Variants in PNLIPRP1 observed in about 807,000 individuals in gnomAD.
PNLIPRP1 encodes the protein inactive pancreatic lipase-related protein 1.
In PNLIPRP1, 57 loss-of-function variants were observed where a neutral mutation model predicts 54.6. That is an observed-to-expected ratio of 1.04 (90% CI 0.84 to 1.30). The LOEUF (loss-of-function observed/expected upper bound fraction) is 1.30. Ranked by LOEUF, PNLIPRP1 falls within the 50% of genes most tolerant of loss-of-function variation. The pLI is 0.00. For missense variants in PNLIPRP1, 567 were observed against 568.5 expected, an observed-to-expected ratio of 1.00 and a Z score of 0.03; for synonymous variants, 232 against 208.8, an observed-to-expected ratio of 1.11 and a Z score of -0.96.
At chr10:116,600,755 G>T (rs1014619163) in intron 9 of PNLIPRP1, among the ~76,000 whole-genome samples, 1 of 152,212 alleles carries the variant, frequency 6.6e-6, no homozygotes, top group South Asian at 2.1e-4. Context: ...GGTAAGCACT[G>T]CAATCCAGGG....
chr10:116,592,711 G>A, intron 4 of PNLIPRP1, 170 bp downstream of exon 4: 2 of 781,050 alleles, frequency 2.6e-6, no homozygotes, highest in South Asian at 1.5e-5. Flanking sequence ...CACTACATCT[G>A]CACACTGAAG....
chr10:116,597,664 A>G (rs1387101727), intron 6 of PNLIPRP1, among the ~76,000 whole-genome samples, 164 bp from the exon 7 acceptor site: 3 of 152,022 alleles, frequency 2.0e-5, no homozygotes, highest in Admixed American at 6.6e-5. Flanking sequence ...CCACATTCAG[A>G]CTCTATGTCC....
Position 116,596,225 on chromosome 10 carries a change from C to T in PNLIPRP1, c.477C>T (p.Ser159=), listed in dbSNP as rs782805149. 1 of 1,610,788 alleles carries T rather than the reference C, an allele frequency of 6.2e-7. No individual in the cohort carries two copies. Among genetic ancestry groups the T allele is most frequent in the Non-Finnish European group, 8.5e-7 (1 of 1,177,048 alleles). The part of the protein sequence containing the change: ...QMLDILLTEY[S]YPPSKVHLIG... Reference sequence around the variant, plus strand: ...TCTTCCCTCTCCAGACAGAGTATAGCTACCCCCCTTCCAAAGTTCACCTCA... The same window carrying T: ...TCTTCCCTCTCCAGACAGAGTATAGTTACCCCCCTTCCAAAGTTCACCTCA... The change falls in exon 6 of 13, where the codon AGC becomes AGT. Residue 159 remains serine (S), a synonymous_variant. Transcript: ENST00000358834.
At chr10:116,600,270 G>A in intron 9 of PNLIPRP1, 105 bp downstream of exon 9, 3 of 767,550 alleles carry the variant, frequency 3.9e-6, no homozygotes, top group Non-Finnish European at 6.8e-6. Flanking sequence ...GTTTTGCATT[G>A]ACCCTCAGAG....
At chr10:116,596,378 C>A in intron 6 of PNLIPRP1, 56 bp downstream of exon 6, 2 of 1,046,038 alleles carry the variant, frequency 1.9e-6, no homozygotes, top group Non-Finnish European at 3.0e-6. Flanking sequence ...AGAATGAGGT[C>A]TCAAGAATGC....
rs782217244 is a variant in PNLIPRP1 at position 116,609,151 on chromosome 10, A to C, written c.*35A>C. Reference sequence around the variant, plus strand: ...GCGACGAGGCTGCTGCGTTCACACTAATAAAATCCACTGGTGCATCTGTAT... The same window carrying C: ...GCGACGAGGCTGCTGCGTTCACACTCATAAAATCCACTGGTGCATCTGTAT... On this transcript the variant is annotated 3_prime_UTR_variant, in exon 13 of 13. Coordinates refer to ENST00000358834, the MANE Select transcript of PNLIPRP1 (RefSeq NM_006229.4). 2.7e-6 allele frequency: 4 copies of C among 1,503,698 alleles called. No individual in the cohort carries two copies. The highest frequency in any genetic ancestry group is 3.6e-6 in the Non-Finnish European group (4 of 1,098,048). The allele number at this position is 1,503,698 out of a possible 1,614,324, so 93.1% of individuals were successfully genotyped here.
chr10:116,604,420 T>C (rs1554865279), intron 11 of PNLIPRP1, among the ~76,000 whole-genome samples: 1 of 152,176 alleles, frequency 6.6e-6, no homozygotes, highest in African/African-American at 2.4e-5. Flanking sequence ...CAGTAACATG[T>C]AGTACAGGTT....
intron 10 of PNLIPRP1, among the ~76,000 whole-genome samples, chr10:116,601,544 C>T (rs1263952878): frequency 2.6e-5 from 4 of 152,188 alleles, no homozygotes; most frequent in African/African-American, 9.7e-5. Flanking sequence ...CACCTGTTCT[C>T]TTCATTCAGC....
rs2133240408 is a variant in PNLIPRP1 at position 116,604,025 on chromosome 10, T to C, written c.1064-5T>C. The C allele has an allele frequency of 6.3e-7, 1 of 1,583,548 alleles. No individual in the cohort carries two copies. Among genetic ancestry groups the C allele is most frequent in the South Asian group, 1.1e-5 (1 of 89,744 alleles). On this transcript the variant is annotated splice_region_variant and splice_polypyrimidine_tract_variant and intron_variant, in intron 10 of 12. Coordinates refer to ENST00000358834, the MANE Select transcript of PNLIPRP1 (RefSeq NM_006229.4). ...ATAAATTGAACTCTTCCATCTCCTG[T>C]GCAGGCTGGAGATATGGGGTTTCCA...
intron 10 of PNLIPRP1, among the ~76,000 whole-genome samples, chr10:116,603,053 TTG>T (rs1847876518): frequency 6.6e-6 from 1 of 152,276 alleles, no homozygotes; most frequent in South Asian, 2.1e-4. Flanking sequence ...GTATATGTAT[TTG>T]TGTGTGTGCA....
chr10:116,598,698 T>C (rs1847778514), intron 8 of PNLIPRP1, among the ~76,000 whole-genome samples: 1 of 152,156 alleles, frequency 6.6e-6, no homozygotes, highest in Non-Finnish European at 1.5e-5. Flanking sequence ...GAAGGTGAGA[T>C]GGGAGACTGC....
intron 5 of PNLIPRP1, chr10:116,595,946 CAAG>C: frequency 3.0e-6 from 1 of 331,118 alleles, no homozygotes; most frequent in Non-Finnish European, 5.6e-6. Flanking sequence ...TAGACAACAA[CAAG>C]AAGAGAAGAA....
rs567955419 is a variant in PNLIPRP1 at position 116,604,207 on chromosome 10, T to G, written c.1172+69T>G. 25 of 809,154 alleles carry G rather than the reference T, an allele frequency of 3.1e-5. No individual in the cohort carries two copies. In the Middle Eastern group the frequency reaches 6.8e-4, roughly 22 times the overall value. The allele number at this position is 809,154 out of a possible 1,614,324, so 50.1% of individuals were successfully genotyped here. ...CAGCCTTCAAACCACACACTTAATT[T>G]GAACACTTATCATCTCTTTATATGT... is the stretch of plus-strand genomic sequence containing the variant. On this transcript the variant is annotated intron_variant, in intron 11 of 12. Transcript: ENST00000358834.
At chr10:116,594,967 T>C (rs1847710294) in intron 5 of PNLIPRP1, 103 bp downstream of exon 5, 22 of 1,375,514 alleles carry the variant, frequency 1.6e-5, no homozygotes, top group Non-Finnish European at 2.2e-5. Flanking sequence ...GGACAAAGAA[T>C]TGATATCCAG....
intron 10 of PNLIPRP1, among the ~76,000 whole-genome samples, chr10:116,602,563 C>T (rs1554864953): frequency 6.6e-6 from 1 of 152,228 alleles, no homozygotes; most frequent in Non-Finnish European, 1.5e-5. Flanking sequence ...GGGCAAGCAA[C>T]TACAAGCGTG....
chr10:116,604,888 T>C (rs1847912201), intron 11 of PNLIPRP1, among the ~76,000 whole-genome samples: 1 of 152,056 alleles, frequency 6.6e-6, no homozygotes, highest in South Asian at 2.1e-4. Context: ...GGGGGGCGTT[T>C]TGCCATGTTG....
At chr10:116,602,370 T>C (rs1554864930) in intron 10 of PNLIPRP1, among the ~76,000 whole-genome samples, 2 of 152,198 alleles carry the variant, frequency 1.3e-5, no homozygotes, top group African/African-American at 4.8e-5. Context: ...ATCCTTCCAC[T>C]GATGTTGTGA....
At chr10:116,595,566 C>T (rs1334067159) in intron 5 of PNLIPRP1, 1 of 152,782 alleles carries the variant, frequency 6.5e-6, no homozygotes, top group Non-Finnish European at 1.5e-5. Context: ...GTATGATAGA[C>T]CAATAAATGA....
At chr10:116,592,298 A>T (rs572774885) in intron 3 of PNLIPRP1, 118 bp from the exon 4 acceptor site, 1 of 1,152,214 alleles carries the variant, frequency 8.7e-7, no homozygotes, top group East Asian at 2.4e-5. Context: ...TTCATGGAAG[A>T]AGTGGCTTTT....
Sources: gnomAD v4.1 joint callset for allele counts (sites outside exome capture counted in the v4.1 genomes callset) on GRCh38, gnomAD v4.1.1 for gene constraint, MANE v1.5 for transcripts, NCBI Gene and HGNC (gene_info 2026-07-23, HGNC 2026-07-21) for gene names.